Variants in GIN1 observed in about 807,000 individuals in gnomAD.
GIN1 encodes gypsy retrotransposon integrase-like protein 1.
Under a neutral mutation model 51.4 loss-of-function variants are expected in GIN1, and 41 were observed. That is an observed-to-expected ratio of 0.80 (90% CI 0.62 to 1.04). The LOEUF (loss-of-function observed/expected upper bound fraction) is 1.04, where lower values mean the gene tolerates loss of function less well. GIN1 is among the 50% of genes least tolerant of loss of function. The pLI is 0.00. For missense variants in GIN1, 610 were observed against 612.4 expected, an observed-to-expected ratio of 1.00 and a Z score of 0.04; for synonymous variants, 222 against 206.5, an observed-to-expected ratio of 1.07 and a Z score of -0.64.
At chr5:103,096,862 A>T in intron 6 of GIN1, 36 bp from the exon 7 acceptor site, 1 of 1,323,094 alleles carries the variant, frequency 7.6e-7, no homozygotes, top group Non-Finnish European at 1.1e-6. Context: ...AAAGAGATGA[A>T]AGAGCTATAA....
At chr5:103,113,492 G>A (rs1236059929) in intron 1 of GIN1, among the ~76,000 whole-genome samples, 4 of 150,094 alleles carry the variant, frequency 2.7e-5, no homozygotes, top group Non-Finnish European at 5.9e-5. Context: ...TCTGACCTAT[G>A]ATCAAGTCAC....
intron 3 of GIN1, among the ~76,000 whole-genome samples, chr5:103,105,562 T>C (rs1787700199): frequency 6.6e-6 from 1 of 152,180 alleles, no homozygotes; most frequent in African/African-American, 2.4e-5. Flanking sequence ...GCAATTTCTC[T>C]CAATCGTGGG....
intron 4 of GIN1, among the ~76,000 whole-genome samples, chr5:103,099,556 G>T (rs34817): frequency 0.28 from 42,450 of 151,770 alleles, 6,119 homozygotes; most frequent in East Asian, 0.39. Context: ...TTAATGGTTT[G>T]AAATGACCCT....
intron 1 of GIN1, among the ~76,000 whole-genome samples, chr5:103,112,122 T>C (rs1220140310): frequency 6.6e-6 from 1 of 152,154 alleles, no homozygotes; most frequent in Non-Finnish European, 1.5e-5. Context: ...CTGAGCTCTT[T>C]AAGGTTTTTG....
intron 3 of GIN1, 69 bp from the exon 4 acceptor site, chr5:103,104,915 T>C: frequency 1.0e-6 from 1 of 967,630 alleles, no homozygotes; most frequent in Non-Finnish European, 1.5e-6. Flanking sequence ...AAAGCAGTCT[T>C]ATAAATCTGA....
At chr5:103,109,798 G>A (rs901293397) in intron 1 of GIN1, among the ~76,000 whole-genome samples, 46 of 151,944 alleles carry the variant, frequency 3.0e-4, no homozygotes, top group African/African-American at 1.0e-3. Context: ...GCCTATCACA[G>A]TTTCTGAATC....
At chr5:103,112,956 G>C (rs1554197043) in intron 1 of GIN1, among the ~76,000 whole-genome samples, 1 of 151,990 alleles carries the variant, frequency 6.6e-6, no homozygotes. Context: ...AGTTTAGAGT[G>C]GTGTTTTAAC....
chr5:103,096,583 T>C lies in GIN1; in HGVS notation c.1252A>G (p.Met418Val). 4 of 1,613,590 alleles carry C rather than the reference T, an allele frequency of 2.5e-6. No homozygotes were observed. Among genetic ancestry groups the C allele is most frequent in the African/African-American group, 2.7e-5 (2 of 75,052 alleles). Reference sequence around the variant, plus strand: ...CTTATGTAGGGCTTAAGGTGGGACATTTTGATAGGTCTTTTCAGTCTAACC... The same window carrying C: ...CTTATGTAGGGCTTAAGGTGGGACACTTTGATAGGTCTTTTCAGTCTAACC... ...TGVRLKRPIK[M>V]SHLKPYIRES... The change falls in exon 7 of 8, where the codon ATG (methionine) becomes GTG (valine). Residue 418 changes from methionine to valine, a missense_variant. By Grantham distance (21) the Met-to-Val change is conservative. Transcript: ENST00000399004.
chr5:103,098,901 CTATAT>C, intron 4 of GIN1, among the ~76,000 whole-genome samples: 1 of 152,134 alleles, frequency 6.6e-6, no homozygotes, highest in African/African-American at 2.4e-5. Flanking sequence ...ATTGGTGTTA[CTATAT>C]TATGTGTAGC....
In GIN1 at chr5:103,097,671, G is replaced by A; in HGVS notation, c.750C>T (p.Leu250=). The A allele has an allele frequency of 2.5e-6, 4 of 1,608,912 alleles. No homozygotes were observed. The South Asian group carries it at 3.3e-5, about 13-fold the overall frequency. The change falls in exon 5 of 8, where the codon CTC becomes CTT. Residue 250 remains leucine, a synonymous_variant. Transcript: ENST00000399004. The part of the protein sequence containing the change: ...ESTPNTIKAF[L]SKHCADHPNN... Reference sequence around the variant, plus strand: ...TTGGGTGGTCAGCACAGTGTTTGGAGAGAAATGCTTTGATTGTGTTAGGTG... The same window carrying A: ...TTGGGTGGTCAGCACAGTGTTTGGAAAGAAATGCTTTGATTGTGTTAGGTG...
At position 103,098,067 on chromosome 5, in the gene GIN1, G is replaced by C. The variant is rs187427937; in HGVS notation, c.640-286C>G. 5.3e-5 allele frequency among the ~76,000 whole-genome samples: 8 copies of C among 152,204 alleles called. No homozygotes were observed. The Middle Eastern group carries it at 0.014, about 259-fold the overall frequency. On this transcript the variant is annotated intron_variant, in intron 4 of 7. Coordinates refer to ENST00000399004, the MANE Select transcript of GIN1 (RefSeq NM_017676.2). ...CCGGCTAATTTTCGTATTTCTAGTA[G>C]AGACGGGGTTTCACCATATTGGCCA...
chr5:103,119,035 T>C (rs1470879593), intron 1 of GIN1, among the ~76,000 whole-genome samples: 1 of 152,190 alleles, frequency 6.6e-6, no homozygotes, highest in Non-Finnish European at 1.5e-5. Flanking sequence ...AAGAGGAATG[T>C]CAGGGTCACA....
At chr5:103,114,538 G>A (rs1276886632) in intron 1 of GIN1, among the ~76,000 whole-genome samples, 4 of 152,168 alleles carry the variant, frequency 2.6e-5, no homozygotes, top group Non-Finnish European at 5.9e-5. Context: ...GTGAAGTTAA[G>A]GCAATGGAAG....
chr5:103,097,641 A>G lies in GIN1; in HGVS notation c.780T>C (p.Asn260=), dbSNP rs782372737. The change falls in exon 5 of 8, where the codon AAT becomes AAC. Residue 260 remains asparagine, a synonymous_variant. Coordinates refer to ENST00000399004, the MANE Select transcript of GIN1 (RefSeq NM_017676.2). ...LSKHCADHPN[N]WDDHLSAVSF... is the part of the protein sequence containing the mutation. ...AAACAGCTGATAGGTGATCATCCCA[A>G]TTGTTTGGGTGGTCAGCACAGTGTT... The G allele has an allele frequency of 4.8e-5, 77 of 1,612,332 alleles. No individual in the cohort carries two copies. Among genetic ancestry groups the G allele is most frequent in the Non-Finnish European group, 6.4e-5 (76 of 1,178,602 alleles).
In GIN1 at chr5:103,108,649, C is replaced by T. The variant is rs1429985471; in HGVS notation, c.59G>A (p.Arg20Gln). Residue 20 changes from arginine (R) to glutamine (Q), a missense_variant, in exon 2 of 8, where the codon CGA (arginine) becomes CAA (glutamine). Arg to Gln is a conservative substitution (Grantham distance 43, BLOSUM62 1). Transcript: ENST00000399004. ...LHLKQIAYYK[R>Q]TGEYHSTTLP... The stretch of plus-strand genomic sequence containing the variant: ...TGTAGTTGAATGATATTCACCAGTT[C>T]GTTTGTAATATGCAATCTGTTTAAG... The T allele has an allele frequency of 1.5e-5, 24 of 1,602,340 alleles. No homozygotes were observed. In the African/African-American group the frequency reaches 2.7e-4, roughly 18 times the overall value.
chr5:103,100,059 A>C (rs1439329038), intron 4 of GIN1, among the ~76,000 whole-genome samples: 1 of 152,074 alleles, frequency 6.6e-6, no homozygotes, highest in African/African-American at 2.4e-5. Flanking sequence ...TTTTTTGTTT[A>C]AGCAATCTCA....
intron 7 of GIN1, among the ~76,000 whole-genome samples, chr5:103,093,013 A>C (rs1180827520): frequency 6.6e-6 from 1 of 151,788 alleles, no homozygotes; most frequent in Non-Finnish European, 1.5e-5. Context: ...TAAGAGGCCA[A>C]AAAAAGGCTC....
intron 1 of GIN1, among the ~76,000 whole-genome samples, chr5:103,117,801 TGGA>T: frequency 6.6e-6 from 1 of 152,220 alleles, no homozygotes; most frequent in Non-Finnish European, 1.5e-5. Flanking sequence ...GGTAGGAAAA[TGGA>T]GGTTCAGAGA....
At position 103,097,887 on chromosome 5, in the gene GIN1, CTATT is replaced by C. The variant is rs368322001; in HGVS notation, c.640-110_640-107del. The C allele has an allele frequency of 8.3e-5, 50 of 600,788 alleles. No individual in the cohort carries two copies. In the African/African-American group the frequency reaches 9.4e-4, roughly 11 times the overall value. 37.2% of individuals were successfully genotyped at this position (600,788 alleles called of 1,614,324 possible). On this transcript the variant is annotated intron_variant, in intron 4 of 7. Coordinates refer to ENST00000399004, the MANE Select transcript of GIN1 (RefSeq NM_017676.2). The stretch of plus-strand genomic sequence containing the variant: ...AATTAGAATCTTGCCTTTTATTTAT[CTATT>C]TATTTTTTTGAGATGGAGTCTTGCT...
Sources: allele counts gnomAD v4.1 joint callset (sites outside exome capture counted in the v4.1 genomes callset), GRCh38; gene constraint gnomAD v4.1.1; transcripts MANE v1.5; gene names NCBI Gene and HGNC (gene_info 2026-07-23, HGNC 2026-07-21).